Variants in CCL22 observed in about 807,000 individuals in gnomAD.
CCL22 encodes C-C motif chemokine 22.
In CCL22, 7 loss-of-function variants were observed where a neutral mutation model predicts 7.6. The ratio of observed to expected loss-of-function variants is 0.92; its 90% CI spans 0.52 to 1.72. The LOEUF (loss-of-function observed/expected upper bound fraction) is 1.72, where lower values mean the gene tolerates loss of function less well. Ranked by LOEUF, CCL22 falls within the 40% of genes most tolerant of loss-of-function variation. The pLI, the probability that CCL22 is intolerant of heterozygous loss-of-function variation, is 0.00. For missense variants in CCL22, 115 were observed against 124.7 expected (o/e 0.92, Z 0.37); for synonymous variants, 55 against 47.2 (o/e 1.17, Z -0.68).
chr16:57,363,640 C>A lies in CCL22; in HGVS notation c.*52C>A. On this transcript the variant is annotated 3_prime_UTR_variant, in exon 3 of 3. Transcript: ENST00000219235. ...TGGCTCCTCCAGGAAGGCTCAGGAGCCCTACCTCCCTGCCATTATAGCTGC... is the reference window on the plus strand; with the variant it reads ...TGGCTCCTCCAGGAAGGCTCAGGAGACCTACCTCCCTGCCATTATAGCTGC... 2.7e-6 allele frequency: 3 copies of A among 1,112,164 alleles called. No homozygotes were observed. The highest frequency in any genetic ancestry group is 2.4e-5 in the East Asian group (1 of 42,478). 68.9% of individuals were successfully genotyped at this position (1,112,164 alleles called of 1,614,324 possible).
rs1004824716 is a variant in CCL22, at chr16:57,366,189, G to C, written c.*2601G>C. The C allele has an allele frequency of 1.3e-5, 2 of 152,434 alleles. No individual in the cohort carries two copies. Among genetic ancestry groups the C allele is most frequent in the African/African-American group, 2.4e-5 (1 of 41,440 alleles). The allele number at this position is 152,434 out of a possible 1,614,324, so 9.4% of individuals were successfully genotyped here. Reference sequence around the variant, plus strand: ...GCTGGAAAATAAATCCTTTAAAATAGTGTCTGCTTTGGTTTCCTGGCATTT... The same window carrying C: ...GCTGGAAAATAAATCCTTTAAAATACTGTCTGCTTTGGTTTCCTGGCATTT... On this transcript the variant is annotated 3_prime_UTR_variant, in exon 3 of 3. Transcript: ENST00000219235.
In CCL22 at chr16:57,364,820, T is replaced by TTA. The variant is rs1902090484; in HGVS notation, c.*1232_*1233insTA. On this transcript the variant is annotated 3_prime_UTR_variant, in exon 3 of 3. Transcript: ENST00000219235. ...CCCCCCCCCAACTTTTTTTTTTTTT[T>TTA]ATGGCAGGGTCTCACTCTGTCGCCC... The TTA allele has an allele frequency of 7.0e-6, 1 of 142,610 alleles. No homozygotes were observed. Among genetic ancestry groups the TTA allele is most frequent in the Admixed American group, 7.1e-5 (1 of 14,042 alleles). 8.8% of individuals were successfully genotyped at this position (142,610 alleles called of 1,614,324 possible). A position where few individuals can be genotyped will look rare whatever the true frequency, so the allele number is the denominator to read the frequency against.
chr16:57,361,402 C>T (rs1902048384), intron 2 of CCL22, among the ~76,000 whole-genome samples: 6 of 152,156 alleles, frequency 3.9e-5, no homozygotes, highest in Admixed American at 3.9e-4. Flanking sequence ...GTGCCAGGCA[C>T]TGTTCTGATC....
chr16:57,362,754 G>C (rs1482502015), intron 2 of CCL22, among the ~76,000 whole-genome samples: 6 of 151,988 alleles, frequency 3.9e-5, no homozygotes, highest in Non-Finnish European at 8.8e-5. Flanking sequence ...CCGGCTACTC[G>C]GGAGCCTGAG....
Position 57,363,601 on chromosome 16 carries a change from G to A in CCL22, c.*13G>A, listed in dbSNP as rs1406401917. 1.3e-6 allele frequency: 2 copies of A among 1,588,414 alleles called. No homozygotes were observed. Among genetic ancestry groups the A allele is most frequent in the African/African-American group, 2.7e-5 (2 of 74,302 alleles). ...GCTGAGCCAATGAAGAGCCTACTCT[G>A]ATGACCGTGGCCTTGGCTCCTCCAG... is the stretch of plus-strand genomic sequence containing the variant. On this transcript the variant is annotated 3_prime_UTR_variant, in exon 3 of 3. Coordinates refer to ENST00000219235, the MANE Select transcript of CCL22 (RefSeq NM_002990.5).
chr16:57,359,967 A>G (rs2146496354), intron 1 of CCL22, among the ~76,000 whole-genome samples: 1 of 152,186 alleles, frequency 6.6e-6, no homozygotes, highest in African/African-American at 2.4e-5. Flanking sequence ...TGTCCTCAGC[A>G]TGGATTCCTG....
intron 2 of CCL22, among the ~76,000 whole-genome samples, chr16:57,362,786 A>G (rs223821): frequency 0.94 from 142,685 of 152,052 alleles, 67,074 homozygotes; most frequent in African/African-American, 0.95. Flanking sequence ...GCCTGAACCC[A>G]GGAGTTGGAG....
chr16:57,363,471 T>G, intron 2 of CCL22, 33 bp from the exon 3 acceptor site: 1 of 1,450,968 alleles, frequency 6.9e-7, no homozygotes, highest in African/African-American at 1.4e-5. Context: ...GTGCTAATGT[T>G]GCTGCATTGT....
upstream of CCL22, chr16:57,358,766 T>A (rs1195467048): frequency 1.4e-6 from 2 of 1,385,584 alleles, no homozygotes; most frequent in South Asian, 2.3e-5. Context: ...AAATAGCAGG[T>A]CTTCCTATGT....
rs1467181099 is a variant in CCL22 at position 57,365,258 on chromosome 16, CT to C, written c.*1673del. 1 of 152,276 alleles carries C rather than the reference CT, an allele frequency of 6.6e-6. No individual in the cohort carries two copies. Among genetic ancestry groups the C allele is most frequent in the Non-Finnish European group, 1.5e-5 (1 of 68,084 alleles). 9.4% of individuals were successfully genotyped at this position (152,276 alleles called of 1,614,324 possible). A position where few individuals can be genotyped will look rare whatever the true frequency, so the allele number is the denominator to read the frequency against. On this transcript the variant is annotated 3_prime_UTR_variant, in exon 3 of 3. Coordinates refer to ENST00000219235, the MANE Select transcript of CCL22 (RefSeq NM_002990.5). ...CCTCTTCAGAGTACCCCCCATTCCA[CT>C]TTCCCTGCCTCCTTCCTTAAATAGC...
At chr16:57,361,583 T>A (rs1283388634) in intron 2 of CCL22, among the ~76,000 whole-genome samples, 1 of 152,072 alleles carries the variant, frequency 6.6e-6, no homozygotes, top group Non-Finnish European at 1.5e-5. Context: ...TTCTCCTGAG[T>A]TTCTTGTTCT....
At chr16:57,360,115 C>T (rs1411565164) in intron 1 of CCL22, among the ~76,000 whole-genome samples, 2 of 152,196 alleles carry the variant, frequency 1.3e-5, no homozygotes, top group Non-Finnish European at 2.9e-5. Flanking sequence ...ATTAAAGACC[C>T]TCTGAAGCTG....
upstream of CCL22, chr16:57,358,770 C>T (rs765375383): frequency 9.8e-6 from 14 of 1,429,024 alleles, no homozygotes; most frequent in Middle Eastern, 8.8e-4. Flanking sequence ...AGCAGGTCTT[C>T]CTATGTCCCT....
intron 2 of CCL22, among the ~76,000 whole-genome samples, 190 bp downstream of exon 2, chr16:57,360,750 A>G (rs560840639): frequency 6.6e-6 from 1 of 152,348 alleles, no homozygotes; most frequent in South Asian, 2.1e-4. Flanking sequence ...AACAAAAATA[A>G]TGTGATCGTT....
chr16:57,364,312 C>G lies in CCL22; in HGVS notation c.*724C>G, dbSNP rs1902080691. 6.6e-6 allele frequency: 1 copy of G among 152,214 alleles called. No individual in the cohort carries two copies. Among genetic ancestry groups the G allele is most frequent in the South Asian group, 2.1e-4 (1 of 4,828 alleles). 9.4% of individuals were successfully genotyped at this position (152,214 alleles called of 1,614,324 possible). ...GACAGGCCCTGGCTCAGAATCAGAG[C>G]CCAGAAAGTGGCTGCAGACAAAATC... On this transcript the variant is annotated 3_prime_UTR_variant, in exon 3 of 3. Transcript: ENST00000219235.
Position 57,365,678 on chromosome 16 carries a change from G to A in CCL22, c.*2090G>A, listed in dbSNP as rs1385148922. 6.6e-6 allele frequency: 1 copy of A among 152,462 alleles called. No homozygotes were observed. Among genetic ancestry groups the A allele is most frequent in the Admixed American group, 6.5e-5 (1 of 15,288 alleles). 9.4% of individuals were successfully genotyped at this position (152,462 alleles called of 1,614,324 possible). On this transcript the variant is annotated 3_prime_UTR_variant, in exon 3 of 3. Coordinates refer to ENST00000219235, the MANE Select transcript of CCL22 (RefSeq NM_002990.5). ...GCTGGTCTCAAACTCCTGGGCTCAAGCGATCCTCCTGGCTCAGCCTCCCAA... is the reference window on the plus strand; with the variant it reads ...GCTGGTCTCAAACTCCTGGGCTCAAACGATCCTCCTGGCTCAGCCTCCCAA...
At chr16:57,363,159 C>G (rs930040379) in intron 2 of CCL22, among the ~76,000 whole-genome samples, 1 of 152,142 alleles carries the variant, frequency 6.6e-6, no homozygotes, top group Non-Finnish European at 1.5e-5. Flanking sequence ...CCATGCCTGG[C>G]TGACTTGTAC....
chr16:57,360,590 T>C, intron 2 of CCL22, 30 bp downstream of exon 2: 1 of 1,613,476 alleles, frequency 6.2e-7, no homozygotes, highest in Non-Finnish European at 8.5e-7. Context: ...CACAGGGCCT[T>C]GGTGGGCCTG....
At chr16:57,359,094 G>A (rs114539818) in intron 1 of CCL22, among the ~76,000 whole-genome samples, 431 of 152,204 alleles carry the variant, frequency 2.8e-3, no homozygotes, top group African/African-American at 0.01. Context: ...TGGAGTCTAG[G>A]ATCTGTCTCA....
Sources: gnomAD v4.1 joint callset for allele counts (sites outside exome capture counted in the v4.1 genomes callset) on GRCh38, gnomAD v4.1.1 for gene constraint, MANE v1.5 for transcripts, NCBI Gene and HGNC (gene_info 2026-07-23, HGNC 2026-07-21) for gene names.